PITRM1: variants seen among roughly 807,000 people sequenced by gnomAD.
PITRM1 encodes the protein presequence protease, mitochondrial.
A neutral mutation model predicts 129.9 loss-of-function variants in PITRM1; 100 were observed. That is an observed-to-expected ratio of 0.77 (90% CI 0.65 to 0.91). The LOEUF is 0.91. Ranked by LOEUF, PITRM1 falls within the 40% of genes least tolerant of loss-of-function variation. The probability of loss-of-function intolerance (pLI) is 0.00; values close to 1 mark genes in which losing one functional copy is unlikely to be tolerated. For synonymous variants in PITRM1, 591 were observed against 508.8 expected (o/e 1.16, Z -2.17); for missense variants, 1,471 against 1,318.3 (o/e 1.12, Z -1.79).
At chr10:3,155,455 G>A (rs1015848982) in intron 14 of PITRM1, 136 bp downstream of exon 14, 36 of 1,027,900 alleles carry the variant, frequency 3.5e-5, no homozygotes, top group African/African-American at 6.4e-5. Flanking sequence ...TCAATGCATC[G>A]AACGTGAGCT....
chr10:3,160,252 T>C lies in PITRM1; in HGVS notation c.870A>G (p.Lys290=). Residue 290 remains lysine (K), a synonymous_variant, in exon 8 of 27, where the codon AAA becomes AAG. Coordinates refer to ENST00000224949, the MANE Select transcript of PITRM1 (RefSeq NM_014889.4). ...CTGGCACCACGGTGCTTGGTTCAATTTTCTGGAATTTGCTCAGTGCTTCCT... is the reference window on the plus strand; with the variant it reads ...CTGGCACCACGGTGCTTGGTTCAATCTTCTGGAATTTGCTCAGTGCTTCCT... The part of the protein sequence containing the change: ...IHEEALSKFQ[K]IEPSTVVPAQ... 20 of 1,613,960 alleles carry C rather than the reference T, an allele frequency of 1.2e-5. No individual in the cohort carries two copies. The highest frequency in any genetic ancestry group is 1.6e-5 in the Non-Finnish European group (19 of 1,179,854).
intron 1 of PITRM1, among the ~76,000 whole-genome samples, chr10:3,170,870 G>C (rs1197343603): frequency 1.3e-5 from 2 of 152,060 alleles, no homozygotes; most frequent in Non-Finnish European, 2.9e-5. Context: ...GGCTGAGGCA[G>C]GAGAATCGCT....
chr10:3,144,061 G>C (rs1299698551), intron 22 of PITRM1: 2 of 586,250 alleles, frequency 3.4e-6, no homozygotes, highest in Non-Finnish European at 6.0e-6. Context: ...CCCCATACCA[G>C]GGCCCTCCTC....
chr10:3,156,576 A>C (rs1023783718), intron 13 of PITRM1, among the ~76,000 whole-genome samples: 1 of 152,262 alleles, frequency 6.6e-6, no homozygotes, highest in African/African-American at 2.4e-5. Flanking sequence ...ACGCGCAAGC[A>C]TCAAAAGAAT....
At chr10:3,145,395 C>T in intron 21 of PITRM1, 1 of 576,772 alleles carries the variant, frequency 1.7e-6, no homozygotes, top group Non-Finnish European at 3.1e-6. Flanking sequence ...GGCCACACCG[C>T]AGGGTCTGAA....
intron 3 of PITRM1, among the ~76,000 whole-genome samples, 192 bp downstream of exon 3, chr10:3,166,744 A>G (rs145414208): frequency 6.6e-6 from 1 of 152,268 alleles, no homozygotes; most frequent in East Asian, 1.9e-4. Context: ...AAATTCATAC[A>G]CTTTCTTAAA....
rs774266879 is a variant in PITRM1 at position 3,172,742 on chromosome 10, A to T, written c.31T>A (p.Cys11Ser). 1.8e-4 allele frequency: 283 copies of T among 1,545,476 alleles called. 1 individual carries two copies. The highest frequency in any genetic ancestry group is 3.1e-4 in the Admixed American group (16 of 50,832). The change falls in exon 1 of 27, where the codon TGT becomes AGT. Residue 11 changes from cysteine (C) to serine (S), a missense_variant. By Grantham distance (112) the Cys-to-Ser change is moderately radical. Transcript: ENST00000224949. MWRCGGRQGL[C>S]VLRRLSGGHA... ...CCGCCGCTCAGCCGCCTCAGCACAC[A>T]CAGGCCCTGCCGCCCGCCGCAGCGC...
intron 1 of PITRM1, 96 bp from the exon 2 acceptor site, chr10:3,170,302 A>T (rs772076397): frequency 1.2e-6 from 1 of 822,134 alleles, no homozygotes; most frequent in Non-Finnish European, 1.9e-6. Context: ...TGTAATAAAG[A>T]TTATTAAAGA....
chr10:3,157,913 A>G, intron 11 of PITRM1, 127 bp downstream of exon 11: 1 of 690,748 alleles, frequency 1.4e-6, no homozygotes, highest in African/African-American at 1.8e-5. Flanking sequence ...TAAACAACTA[A>G]ATATGAACAA....
intron 21 of PITRM1, 61 bp from the exon 22 acceptor site, chr10:3,144,427 A>T (rs1010357881): frequency 1.2e-5 from 12 of 968,552 alleles, no homozygotes; most frequent in Non-Finnish European, 1.9e-5. Flanking sequence ...AATATATAAG[A>T]AGTAACAGAG....
chr10:3,159,129 T>C, intron 9 of PITRM1, 87 bp from the exon 10 acceptor site: 1 of 1,117,072 alleles, frequency 9.0e-7, no homozygotes, highest in Non-Finnish European at 1.3e-6. Context: ...TTAAAACCAC[T>C]ACACATCTTT....
chr10:3,138,205 C>G (rs1312002468), intron 26 of PITRM1, 30 bp downstream of exon 26: 1 of 1,595,032 alleles, frequency 6.3e-7, no homozygotes, highest in East Asian at 2.2e-5. Flanking sequence ...CTTCCAGTCC[C>G]AGACGCTGTC....
rs1195559358 is a variant in PITRM1 at position 3,170,155 on chromosome 10, C to T, written c.108G>A (p.Arg36=). The T allele has an allele frequency of 1.2e-6, 2 of 1,614,006 alleles. No individual in the cohort carries two copies. The highest frequency in any genetic ancestry group is 1.3e-5 in the African/African-American group (1 of 75,052). The change falls in exon 2 of 27, where the codon AGG becomes AGA. Residue 36 remains arginine, a synonymous_variant. Coordinates refer to ENST00000224949, the MANE Select transcript of PITRM1 (RefSeq NM_014889.4). ...TGTCTCCTAGTTTATACTGCAGAGC[C>T]CTCTCACAAGCCCGGTTACTGTTCC... ...WRWNSNRACE[R]ALQYKLGDKI...
intron 14 of PITRM1, among the ~76,000 whole-genome samples, chr10:3,152,463 C>T (rs929649380): frequency 2.0e-5 from 3 of 152,240 alleles, no homozygotes; most frequent in African/African-American, 4.8e-5. Flanking sequence ...GCGTGCCACG[C>T]ACTTAGACAC....
Position 3,140,701 on chromosome 10 carries a change from G to C in PITRM1, c.2757C>G (p.Thr919=). The change falls in exon 24 of 27, where the codon ACC becomes ACG. Residue 919 remains threonine, a synonymous_variant. Transcript: ENST00000224949. ...GAKLSHNGIF[T]LYSYRDPNTI... ...GCAAAACTCACCTGTAAGAGTAAAG[G>C]GTGAAAATCCCATTGTGGCTGAGTT... The C allele has an allele frequency of 6.2e-7, 1 of 1,600,102 alleles. No individual in the cohort carries two copies. The highest frequency in any genetic ancestry group is 8.5e-7 in the Non-Finnish European group (1 of 1,172,928).
chr10:3,162,366 G>A (rs1007873410), intron 7 of PITRM1, among the ~76,000 whole-genome samples: 1 of 152,124 alleles, frequency 6.6e-6, no homozygotes, highest in Non-Finnish European at 1.5e-5. Context: ...AGAAGTTACA[G>A]AACTAGAAAA....
chr10:3,138,811 A>G (rs2279217), intron 25 of PITRM1, 93 bp downstream of exon 25: 826,886 of 1,170,670 alleles, frequency 0.71, 292,700 homozygotes, highest in East Asian at 0.75. Context: ...ACCAGAAGCT[A>G]GTGCTCCTGC....
rs765195823 is a variant in PITRM1 at position 3,155,627 on chromosome 10, G to C, written c.1585C>G (p.Leu529Val). The change falls in exon 14 of 27, where the codon CTG (leucine) becomes GTG (valine). Residue 529 changes from leucine to valine, a missense_variant. Leu to Val is a conservative substitution (Grantham distance 32). Coordinates refer to ENST00000224949, the MANE Select transcript of PITRM1 (RefSeq NM_014889.4). ...ATCTGCTGCCTGTCTCCGGGGGACA[G>C]AGCCTCGACCTTCTGCTTGAGCTTC... ...ATKLKQKVEA[L>V]SPGDRQQIYE... 3 of 1,613,956 alleles carry C rather than the reference G, an allele frequency of 1.9e-6. No homozygotes were observed. Among genetic ancestry groups the C allele is most frequent in the East Asian group, 4.5e-5 (2 of 44,854 alleles).
intron 16 of PITRM1, chr10:3,148,934 G>A (rs1355741047): frequency 2.0e-5 from 3 of 152,354 alleles, no homozygotes; most frequent in Admixed American, 6.5e-5. Flanking sequence ...TTCCATCTGA[G>A]CGGACCCTCA....
Sources: allele counts gnomAD v4.1 joint callset (sites outside exome capture counted in the v4.1 genomes callset), GRCh38; gene constraint gnomAD v4.1.1; transcripts MANE v1.5; gene names NCBI Gene and HGNC (gene_info 2026-07-23, HGNC 2026-07-21).